Variants in PRKCH observed in about 807,000 individuals in gnomAD.
PRKCH encodes protein kinase C eta type.
A neutral mutation model predicts 82.5 loss-of-function variants in PRKCH; 28 were observed. That is an observed-to-expected ratio of 0.34 (90% CI 0.25 to 0.47). The LOEUF is 0.47. Ranked by LOEUF, PRKCH falls within the 20% of genes least tolerant of loss-of-function variation. PRKCH has a pLI of 1.00. For missense variants in PRKCH, 705 were observed against 881.8 expected (o/e 0.80, Z 2.54); for synonymous variants, 322 against 327.4 (o/e 0.98, Z 0.18).
intron 1 of PRKCH, among the ~76,000 whole-genome samples, chr14:61,275,651 A>G (rs936585910): frequency 2.6e-5 from 4 of 152,176 alleles, no homozygotes; most frequent in African/African-American, 9.7e-5. Context: ...CTTGTCATCA[A>G]TGAGTCCTGG....
At chr14:61,535,254 A>G (rs2043092431) in intron 12 of PRKCH, among the ~76,000 whole-genome samples, 1 of 152,202 alleles carries the variant, frequency 6.6e-6, no homozygotes, top group Non-Finnish European at 1.5e-5. Context: ...GGCAAACATG[A>G]TCCTGCTCTT....
At chr14:61,365,623 T>G (rs2046288327) in intron 1 of PRKCH, among the ~76,000 whole-genome samples, 3 of 152,058 alleles carry the variant, frequency 2.0e-5, no homozygotes. Flanking sequence ...ATTTCTGTAT[T>G]TGATTTTTTT....
chr14:61,488,269 G>A (rs1886316488), intron 10 of PRKCH, among the ~76,000 whole-genome samples: 1 of 152,210 alleles, frequency 6.6e-6, no homozygotes, highest in Non-Finnish European at 1.5e-5. Flanking sequence ...GCTGCAGTGA[G>A]CTGTAACTGT....
At chr14:61,420,449 G>A (rs1882775931) in intron 2 of PRKCH, among the ~76,000 whole-genome samples, 1 of 152,184 alleles carries the variant, frequency 6.6e-6, no homozygotes, top group South Asian at 2.1e-4. Context: ...ACCCTCACCT[G>A]CGGGGAGACG....
chr14:61,514,987 C>T (rs980550189), intron 10 of PRKCH, among the ~76,000 whole-genome samples: 1 of 152,262 alleles, frequency 6.6e-6, no homozygotes, highest in Admixed American at 6.5e-5. Flanking sequence ...TGTGAAAATA[C>T]ATGATAAAAA....
At chr14:61,247,487 G>A (rs1349984713) in intron 1 of PRKCH, among the ~76,000 whole-genome samples, 2 of 152,054 alleles carry the variant, frequency 1.3e-5, no homozygotes, top group Admixed American at 6.6e-5. Context: ...TGTAATCCCA[G>A]CACCTTGGGA....
At chr14:61,539,953 T>A (rs1170828780) in intron 12 of PRKCH, among the ~76,000 whole-genome samples, 1 of 152,248 alleles carries the variant, frequency 6.6e-6, no homozygotes, top group Non-Finnish European at 1.5e-5. Context: ...TCTTATGATG[T>A]ATTTAGATAT....
intron 1 of PRKCH, among the ~76,000 whole-genome samples, chr14:61,210,754 TTCTCTCTCTCTC>T (rs57385240): frequency 0.046 from 6,683 of 143,994 alleles, 190 homozygotes; most frequent in South Asian, 0.093. Flanking sequence ...CAAGAGTCCT[TTCTCTCTCTCTC>T]TCTCTCTCTC....
Position 61,342,242 on chromosome 14 carries a change from G to A in PRKCH, c.363+19778G>A, listed in dbSNP as rs369324009. 4.6e-5 allele frequency among the ~76,000 whole-genome samples: 7 copies of A among 151,938 alleles called. No individual in the cohort carries two copies. The East Asian group carries it at 7.8e-4, about 17-fold the overall frequency. On this transcript the variant is annotated intron_variant, in intron 1 of 13. Coordinates refer to ENST00000332981, the MANE Select transcript of PRKCH (RefSeq NM_006255.5). ...AACTACTAATTAAATTCAAGCAGAAGATGGTGAAGGTGGAGCTAACTCATT... is the reference window on the plus strand; with the variant it reads ...AACTACTAATTAAATTCAAGCAGAAAATGGTGAAGGTGGAGCTAACTCATT...
intron 1 of PRKCH, among the ~76,000 whole-genome samples, chr14:61,308,564 T>C (rs886338568): frequency 3.9e-5 from 6 of 152,244 alleles, no homozygotes; most frequent in Non-Finnish European, 7.3e-5. Context: ...CACTTGTGTC[T>C]TTCTTGCTAC....
rs960967755 is a variant in PRKCH at position 61,446,889 on chromosome 14, A to G, written c.613+1163A>G. 1.9e-4 allele frequency among the ~76,000 whole-genome samples: 29 copies of G among 152,324 alleles called. 3 individuals carry two copies. Among genetic ancestry groups the G allele is most frequent in the East Asian group, 9.6e-4 (5 of 5,190 alleles). The stretch of plus-strand genomic sequence containing the variant: ...AACATGGGATTTAAGATACATCTCT[A>G]TTGTTATTTTATTTCTTTTTCTCTT... On this transcript the variant is annotated intron_variant, in intron 4 of 13. Transcript: ENST00000332981.
At chr14:61,298,932 C>G (rs1236767639) in intron 1 of PRKCH, 1 of 152,164 alleles carries the variant, frequency 6.6e-6, no homozygotes, top group East Asian at 1.9e-4. Context: ...AGGAAGTACA[C>G]TTGGAAGAAG....
chr14:61,324,605 A>G (rs1429179850), intron 1 of PRKCH, among the ~76,000 whole-genome samples: 3 of 152,284 alleles, frequency 2.0e-5, no homozygotes, highest in African/African-American at 2.4e-5. Context: ...TTAAAAAAGT[A>G]TCCTTTATAG....
chr14:61,471,375 G>A (rs1885497052), intron 9 of PRKCH, among the ~76,000 whole-genome samples: 1 of 152,192 alleles, frequency 6.6e-6, no homozygotes, highest in Non-Finnish European at 1.5e-5. Context: ...TCTTCTGGAA[G>A]CTCATAGATA....
intron 1 of PRKCH, among the ~76,000 whole-genome samples, chr14:61,199,476 C>G (rs1430023155): frequency 6.6e-6 from 1 of 152,206 alleles, no homozygotes; most frequent in Admixed American, 6.5e-5. Flanking sequence ...TTTTCACATA[C>G]TTTTGCTGCT....
At chr14:61,245,930 A>G (rs1234147721) in intron 1 of PRKCH, among the ~76,000 whole-genome samples, 1 of 152,206 alleles carries the variant, frequency 6.6e-6, no homozygotes, top group Non-Finnish European at 1.5e-5. Flanking sequence ...TCTGTTTCTC[A>G]GTCATACCCA....
At chr14:61,466,834 C>G (rs1885284453) in intron 9 of PRKCH, among the ~76,000 whole-genome samples, 1 of 152,156 alleles carries the variant, frequency 6.6e-6, no homozygotes, top group Non-Finnish European at 1.5e-5. Flanking sequence ...ACGATGTCAG[C>G]CTGCAAGGAT....
intron 7 of PRKCH, among the ~76,000 whole-genome samples, chr14:61,455,198 T>G (rs1214665209): frequency 2.7e-5 from 1 of 37,594 alleles, no homozygotes; most frequent in Non-Finnish European, 9.3e-5. Context: ...CCCAGCTAAT[T>G]TTTTGTATTT....
intron 1 of PRKCH, among the ~76,000 whole-genome samples, chr14:61,229,500 C>G (rs1046424727): frequency 6.6e-6 from 1 of 152,158 alleles, no homozygotes; most frequent in Non-Finnish European, 1.5e-5. Flanking sequence ...GTGCACTGAG[C>G]TCTGGTTACA....
Sources: allele counts gnomAD v4.1 joint callset (sites outside exome capture counted in the v4.1 genomes callset), GRCh38; gene constraint gnomAD v4.1.1; transcripts MANE v1.5; gene names NCBI Gene and HGNC (gene_info 2026-07-23, HGNC 2026-07-21).